Variants in SAMMSON observed in about 807,000 individuals in gnomAD.
The protein encoded by SAMMSON is survival associated mitochondrial melanoma specific oncogenic non-coding RNA.
intron 4 of SAMMSON, among the ~76,000 whole-genome samples, chr3:70,232,678 A>G (rs1214780898): frequency 6.6e-6 from 1 of 152,094 alleles, no homozygotes; most frequent in African/African-American, 2.4e-5. Context: ...GGATGAAGAC[A>G]TCATTCCTGA....
At chr3:70,145,604 G>T (rs561715156) in intron 4 of SAMMSON, among the ~76,000 whole-genome samples, 14 of 151,920 alleles carry the variant, frequency 9.2e-5, no homozygotes, top group Non-Finnish European at 2.1e-4. Context: ...ATAATCCATG[G>T]GCTGAAGAGG....
At chr3:70,348,375 G>T (rs1164446018) in intron 7 of SAMMSON, among the ~76,000 whole-genome samples, 1 of 152,146 alleles carries the variant, frequency 6.6e-6, no homozygotes, top group African/African-American at 2.4e-5. Flanking sequence ...CACAGTTGCA[G>T]AGGCTGGATG....
chr3:70,350,708 T>C (rs1365339116), intron 7 of SAMMSON, among the ~76,000 whole-genome samples: 1 of 152,144 alleles, frequency 6.6e-6, no homozygotes, highest in African/African-American at 2.4e-5. Context: ...ATGAAATGAA[T>C]ATAAAGCATG....
At chr3:70,304,776 T>A (rs1308467731) in intron 7 of SAMMSON, among the ~76,000 whole-genome samples, 1 of 152,216 alleles carries the variant, frequency 6.6e-6, no homozygotes, top group Non-Finnish European at 1.5e-5. Context: ...GTTACCCTGT[T>A]TAGAATCTCC....
chr3:70,219,612 T>A (rs1229797310), intron 4 of SAMMSON, among the ~76,000 whole-genome samples: 3 of 152,110 alleles, frequency 2.0e-5, no homozygotes, highest in African/African-American at 7.2e-5. Context: ...ACCAACAGAA[T>A]GGATCCAAAG....
intron 7 of SAMMSON, among the ~76,000 whole-genome samples, chr3:70,294,073 C>T (rs1235926177): frequency 6.6e-6 from 1 of 152,104 alleles, no homozygotes; most frequent in Non-Finnish European, 1.5e-5. Flanking sequence ...TTTATAAAGA[C>T]ATGGCCATGT....
At chr3:70,077,673 G>A (rs1325950433) in intron 4 of SAMMSON, among the ~76,000 whole-genome samples, 7 of 152,072 alleles carry the variant, frequency 4.6e-5, no homozygotes, top group South Asian at 4.2e-4. Context: ...CTATTGACTC[G>A]TAAATTTTGT....
intron 4 of SAMMSON, among the ~76,000 whole-genome samples, chr3:70,220,794 C>T (rs985251225): frequency 3.3e-5 from 5 of 152,156 alleles, no homozygotes; most frequent in South Asian, 4.1e-4. Context: ...CTCTCTGAAG[C>T]GTTCCTAGAC....
intron 6 of SAMMSON, among the ~76,000 whole-genome samples, chr3:70,250,918 T>G (rs1701759295): frequency 6.6e-6 from 1 of 152,122 alleles, no homozygotes; most frequent in African/African-American, 2.4e-5. Context: ...AAAAAAATGG[T>G]CTCCAATAAA....
At chr3:70,115,745 A>G (rs1410675075) in intron 4 of SAMMSON, among the ~76,000 whole-genome samples, 1 of 152,154 alleles carries the variant, frequency 6.6e-6, no homozygotes, top group Non-Finnish European at 1.5e-5. Flanking sequence ...GTCCCAACCT[A>G]GTTTCTCATT....
intron 4 of SAMMSON, among the ~76,000 whole-genome samples, chr3:70,087,414 G>T (rs560710290): frequency 6.6e-6 from 1 of 152,186 alleles, no homozygotes; most frequent in East Asian, 1.9e-4. Context: ...CCGACTTAGG[G>T]GTCTCAGCCT....
chr3:70,293,161 G>A (rs1462465329), intron 7 of SAMMSON, among the ~76,000 whole-genome samples: 3 of 151,124 alleles, frequency 2.0e-5, no homozygotes, highest in Non-Finnish European at 4.4e-5. Flanking sequence ...GAAGTATTCA[G>A]CTCCCATCAG....
At chr3:70,403,562 A>T (rs1701157425) in intron 2 of SAMMSON, among the ~76,000 whole-genome samples, 1 of 152,180 alleles carries the variant, frequency 6.6e-6, no homozygotes, top group African/African-American at 2.4e-5. Flanking sequence ...TTGTGTAAAT[A>T]AAGTTTGATT....
At chr3:70,394,745 A>C (rs565937907), downstream of SAMMSON, among the ~76,000 whole-genome samples, 1 of 152,244 alleles carries the variant, frequency 6.6e-6, no homozygotes, top group Non-Finnish European at 1.5e-5. Context: ...ATCACGTCCA[A>C]ACTTTTCAGA....
intron 4 of SAMMSON, among the ~76,000 whole-genome samples, chr3:70,244,429 TA>T (rs1343983444): frequency 3.3e-5 from 5 of 152,220 alleles, no homozygotes; most frequent in East Asian, 1.9e-4. Flanking sequence ...AAATATCAAT[TA>T]AAATAACATG....
chr3:70,121,793 G>A (rs1051790097), intron 4 of SAMMSON, among the ~76,000 whole-genome samples: 6 of 152,166 alleles, frequency 3.9e-5, no homozygotes, highest in African/African-American at 1.2e-4. Context: ...ACAAAGACTG[G>A]TGGCCGACTG....
chr3:70,306,513 C>T (rs768964952), intron 7 of SAMMSON, among the ~76,000 whole-genome samples: 11 of 152,212 alleles, frequency 7.2e-5, no homozygotes, highest in Admixed American at 7.2e-4. Flanking sequence ...TCATCTTTCA[C>T]ACTCTTTCCT....
intron 4 of SAMMSON, among the ~76,000 whole-genome samples, chr3:70,179,782 T>G (rs1335150625): frequency 6.6e-6 from 1 of 151,992 alleles, no homozygotes; most frequent in Non-Finnish European, 1.5e-5. Flanking sequence ...CTGAATGGGG[T>G]CAATGAACTT....
intron 4 of SAMMSON, among the ~76,000 whole-genome samples, chr3:70,088,346 G>C (rs2067293060): frequency 6.6e-6 from 1 of 152,202 alleles, no homozygotes; most frequent in South Asian, 2.1e-4. Flanking sequence ...TACTAACTAA[G>C]TCATGTGGAC....
Sources: gnomAD v4.1 joint callset for allele counts (sites outside exome capture counted in the v4.1 genomes callset) on GRCh38, gnomAD v4.1.1 for gene constraint, MANE v1.5 for transcripts, NCBI Gene and HGNC (gene_info 2026-07-23, HGNC 2026-07-21) for gene names.